PRR14: variants seen among roughly 807,000 people sequenced by gnomAD.
The protein encoded by PRR14 is proline-rich protein 14.
PRR14 carries 33 observed loss-of-function variants against 57.2 expected under a neutral mutation model. That is an observed-to-expected ratio of 0.58 (90% confidence interval 0.44 to 0.77). PRR14 has a LOEUF of 0.77. Ranked by LOEUF, PRR14 falls within the 30% of genes least tolerant of loss-of-function variation. PRR14 has a pLI of 0.00. For synonymous variants in PRR14, 303 were observed against 314.7 expected (o/e 0.96, Z 0.39); for missense variants, 716 against 788.1 (o/e 0.91, Z 1.10).
intron 3 of PRR14, chr16:30,652,413 T>A (rs1338454919): frequency 1.9e-5 from 11 of 573,038 alleles, no homozygotes; most frequent in Non-Finnish European, 3.5e-5. Flanking sequence ...CAGGCTGAGG[T>A]CTTTGACTCC....
chr16:30,651,182 GTCGATGTA>G lies in PRR14; in HGVS notation c.-51+57_-51+64del. 1 of 400,976 alleles carries G rather than the reference GTCGATGTA, an allele frequency of 2.5e-6. No individual in the cohort carries two copies. Among genetic ancestry groups the G allele is most frequent in the East Asian group, 7.3e-5 (1 of 13,638 alleles). 24.8% of individuals were successfully genotyped at this position (400,976 alleles called of 1,614,324 possible). A position where few individuals can be genotyped will look rare whatever the true frequency, so the allele number is the denominator to read the frequency against. On this transcript the variant is annotated intron_variant, in intron 1 of 11. Coordinates refer to ENST00000300835, the MANE Select transcript of PRR14 (RefSeq NM_024031.5). The surrounding 1 kb of genome is among the most constrained non-coding windows in gnomAD (Gnocchi z 5.0). ...AGGGGATCTGGTGGGATGGAGGGTC[GTCGATGTA>G]TGGAGTATTGCTTTGGAGTCCTCGG...
chr16:30,651,510 G>A lies in PRR14; in HGVS notation c.-50-86G>A, dbSNP rs1425414375. The stretch of plus-strand genomic sequence containing the variant: ...CAGGGCTGCGGCCGCTGGGCTACGG[G>A]GAGCCGCGGGCGGACCATGAAGGGC... On this transcript the variant is annotated intron_variant, in intron 1 of 11. Coordinates refer to ENST00000300835, the MANE Select transcript of PRR14 (RefSeq NM_024031.5). This position sits in a 1 kb window ranked among gnomAD's most constrained non-coding sequence, Gnocchi z 5.0. 9 of 616,460 alleles carry A rather than the reference G, an allele frequency of 1.5e-5. No homozygotes were observed. Among genetic ancestry groups the A allele is most frequent in the Non-Finnish European group, 2.4e-5 (9 of 380,474 alleles). 38.2% of individuals were successfully genotyped at this position (616,460 alleles called of 1,614,324 possible).
In PRR14 at chr16:30,654,301, C is replaced by G; in HGVS notation, c.620C>G (p.Ser207Cys). ...GACCTAGAACCCCCATTCCAGCCAT[C>G]TGCTCTGCCTGCAGACCCTCTGGAG... ...PGDLEPPFQP[S>C]ALPADPLESP... Residue 207 changes from serine (S) to cysteine (C), a missense_variant, in exon 7 of 12, where the codon TCT becomes TGT. Physicochemically the swap from Ser to Cys is moderately radical, Grantham distance 112 (BLOSUM62 -1). Coordinates refer to ENST00000300835, the MANE Select transcript of PRR14 (RefSeq NM_024031.5). 3 of 1,614,086 alleles carry G rather than the reference C, an allele frequency of 1.9e-6. No individual in the cohort carries two copies. Among genetic ancestry groups the G allele is most frequent in the Non-Finnish European group, 2.5e-6 (3 of 1,179,978 alleles).
intron 3 of PRR14, chr16:30,652,226 TTCTA>T (rs1288565363): frequency 1.6e-5 from 10 of 640,832 alleles, no homozygotes; most frequent in East Asian, 1.2e-4. Context: ...GCTTCTTTTT[TTCTA>T]TCTTTTTTTT....
intron 4 of PRR14, 34 bp downstream of exon 4, chr16:30,652,876 C>A: frequency 6.2e-7 from 1 of 1,613,902 alleles, no homozygotes; most frequent in Non-Finnish European, 8.5e-7. Flanking sequence ...AGCCGAGGGC[C>A]CAGCTGAGCC....
rs1189047748 is a variant in PRR14 at position 30,654,628 on chromosome 16, GC to G, written c.662del (p.Pro221GlnfsTer60). The G allele has an allele frequency of 6.3e-7, 1 of 1,596,078 alleles. No homozygotes were observed. ...CACCTGTGACCCTCTCCTTTCCTCA[GC>G]CCCAGATCCTGCTCTGGAGCTCCCA... Reference protein sequence around the residue: ...PADPLESPPTAPDPALELPST... With the variant: ...PADPLESPPTXPDPALELPST... On this transcript the variant is annotated frameshift_variant and splice_region_variant, in exon 8 of 12. Transcript: ENST00000300835. LOFTEE classifies it high-confidence loss of function.
Position 30,654,875 on chromosome 16 carries a change from C to T in PRR14, c.905C>T (p.Ser302Phe). 6.2e-7 allele frequency: 1 copy of T among 1,605,884 alleles called. No homozygotes were observed. Among genetic ancestry groups the T allele is most frequent in the Non-Finnish European group, 8.5e-7 (1 of 1,175,798 alleles). Residue 302 changes from serine to phenylalanine, a missense_variant, in exon 8 of 12, where the codon TCT (serine) becomes TTT (phenylalanine). Transcript: ENST00000300835. ...TCTGGGGCTGCTGAGGGCACTGCGT[C>T]TGTCAGCCCCCGGCCCCCAATCCGC... is the stretch of plus-strand genomic sequence containing the variant. ...EQSGAAEGTA[S>F]VSPRPPIRQW...
In PRR14 at chr16:30,656,367, A is replaced by AT. The variant is rs552685019; in HGVS notation, c.*65dup. The stretch of plus-strand genomic sequence containing the variant: ...GGGACAGGAAACCTCCCAGGCAGTT[A>AT]TTTTTTTTTCTCTATATTTCTAGTA... On this transcript the variant is annotated 3_prime_UTR_variant, in exon 12 of 12. Coordinates refer to ENST00000300835, the MANE Select transcript of PRR14 (RefSeq NM_024031.5). 1.4e-3 allele frequency: 2,120 copies of AT among 1,465,126 alleles called. No individual in the cohort carries two copies. The highest frequency in any genetic ancestry group is 2.0e-3 in the Admixed American group (85 of 42,484). The allele number at this position is 1,465,126 out of a possible 1,614,324, so 90.8% of individuals were successfully genotyped here.
In PRR14 at chr16:30,655,056, C is replaced by T; in HGVS notation, c.1086C>T (p.His362=). The T allele has an allele frequency of 6.2e-7, 1 of 1,611,540 alleles. No homozygotes were observed. Reference sequence around the variant, plus strand: ...CAAGCCGACCACGGCCGCGGCGGCACACTGTGGGTGGTGGGGAAATGGCCC... The same window carrying T: ...CAAGCCGACCACGGCCGCGGCGGCATACTGTGGGTGGTGGGGAAATGGCCC... ...PQPSRPRPRR[H]TVGGGEMARA... Residue 362 remains histidine, a synonymous_variant, in exon 8 of 12, where the codon CAC becomes CAT. Transcript: ENST00000300835. This position sits in a 1 kb window ranked among gnomAD's most constrained non-coding sequence, Gnocchi z 4.6.
chr16:30,652,578 T>C (rs912284716), intron 3 of PRR14, 143 bp from the exon 4 acceptor site: 4 of 1,033,314 alleles, frequency 3.9e-6, no homozygotes, highest in Non-Finnish European at 4.4e-6. Context: ...TCAGTCCAAT[T>C]CATCTCTTCT....
In PRR14 at chr16:30,651,683, G is replaced by A. The variant is rs1403789733; in HGVS notation, c.23+15G>A. 6 of 1,603,342 alleles carry A rather than the reference G, an allele frequency of 3.7e-6. No homozygotes were observed. The highest frequency in any genetic ancestry group is 2.3e-5 in the East Asian group (1 of 44,318). On this transcript the variant is annotated intron_variant, in intron 2 of 11. Transcript: ENST00000300835. The surrounding 1 kb of genome is among the most constrained non-coding windows in gnomAD (Gnocchi z 5.0). ...GGGGACTCCAGGTGAGAGCGTACCC[G>A]GGCGGCCCGCCTGTCTTGACCCCGG...
Position 30,651,068 on chromosome 16 carries a change from C to T in PRR14, c.-110C>T. 1 of 455,630 alleles carries T rather than the reference C, an allele frequency of 2.2e-6. No homozygotes were observed. The highest frequency in any genetic ancestry group is 4.4e-6 in the Non-Finnish European group (1 of 226,376). 28.2% of individuals were successfully genotyped at this position (455,630 alleles called of 1,614,324 possible). Reference sequence around the variant, plus strand: ...CCCCTGTCTGAGCGGAGCTTTGCGGCGCTGAAGCTTACAGGGGAAGGAAAA... The same window carrying T: ...CCCCTGTCTGAGCGGAGCTTTGCGGTGCTGAAGCTTACAGGGGAAGGAAAA... On this transcript the variant is annotated 5_prime_UTR_variant, in exon 1 of 12. Transcript: ENST00000300835. This position sits in a 1 kb window ranked among gnomAD's most constrained non-coding sequence, Gnocchi z 5.0.
At position 30,656,393 on chromosome 16, in the gene PRR14, A is replaced by G; in HGVS notation, c.*82A>G. Reference sequence around the variant, plus strand: ...TTTTTTTTTCTCTATATTTCTAGTAAAGTTTTCGATATGTTTCTGATTCTT... The same window carrying G: ...TTTTTTTTTCTCTATATTTCTAGTAGAGTTTTCGATATGTTTCTGATTCTT... On this transcript the variant is annotated 3_prime_UTR_variant, in exon 12 of 12. Transcript: ENST00000300835. 7.6e-7 allele frequency: 1 copy of G among 1,322,706 alleles called. No individual in the cohort carries two copies. The highest frequency in any genetic ancestry group is 1.0e-6 in the Non-Finnish European group (1 of 980,344). The allele number at this position is 1,322,706 out of a possible 1,614,324, so 81.9% of individuals were successfully genotyped here.
intron 3 of PRR14, chr16:30,652,229 T>C: frequency 1.6e-6 from 1 of 622,726 alleles, no homozygotes; most frequent in Non-Finnish European, 2.9e-6. Flanking sequence ...TCTTTTTTTC[T>C]ATCTTTTTTT....
Position 30,655,172 on chromosome 16 carries a change from C to A in PRR14, c.1202C>A (p.Ser401Ter). Reference sequence around the variant, plus strand: ...TCCCCTTCTCTCACCACATCTTGCTCGTCCACGGCATCCACTTCCTTCTCC... The same window carrying A: ...TCCCCTTCTCTCACCACATCTTGCTAGTCCACGGCATCCACTTCCTTCTCC... ...GASPSLTTSC[S>*]STASTSFSEP... is the part of the protein sequence containing the mutation. The change falls in exon 8 of 12, where the codon TCG becomes TAG. Residue 401 changes from serine to a stop codon, truncating the protein, a stop_gained. Transcript: ENST00000300835. LOFTEE classifies it high-confidence loss of function. The surrounding 1 kb of genome is among the most constrained non-coding windows in gnomAD (Gnocchi z 4.6). 6.2e-7 allele frequency: 1 copy of A among 1,600,890 alleles called. No homozygotes were observed.
rs773382408 is a variant in PRR14, at chr16:30,654,934, C to G, written c.964C>G (p.Leu322Val). Residue 322 changes from leucine (L) to valine (V), a missense_variant, in exon 8 of 12, where the codon CTT (leucine) becomes GTT (valine). By Grantham distance (32) the Leu-to-Val change is conservative (BLOSUM62 1). Transcript: ENST00000300835. ...WRTQDHNTPA[L>V]LPKPSLGRSY... ...AACTCAGGACCACAATACCCCAGCA[C>G]TTCTCCCTAAGCCCTCTCTGGGCCG... The G allele has an allele frequency of 7.4e-6, 12 of 1,612,826 alleles. No individual in the cohort carries two copies. Among genetic ancestry groups the G allele is most frequent in the Non-Finnish European group, 1.0e-5 (12 of 1,180,044 alleles).
Position 30,651,500 on chromosome 16 carries a change from T to C in PRR14, c.-50-96T>C, listed in dbSNP as rs2052311121. ...TTTCGCGCCCCAGGGCTGCGGCCGC[T>C]GGGCTACGGGGAGCCGCGGGCGGAC... On this transcript the variant is annotated intron_variant, in intron 1 of 11. Transcript: ENST00000300835. The surrounding 1 kb of genome is among the most constrained non-coding windows in gnomAD (Gnocchi z 5.0). The C allele has an allele frequency of 8.9e-6, 5 of 560,484 alleles. No homozygotes were observed. The highest frequency in any genetic ancestry group is 1.5e-5 in the Non-Finnish European group (5 of 338,156). 34.7% of individuals were successfully genotyped at this position (560,484 alleles called of 1,614,324 possible). A position where few individuals can be genotyped will look rare whatever the true frequency, so the allele number is the denominator to read the frequency against.
At chr16:30,653,466 A>G in intron 6 of PRR14, 58 bp downstream of exon 6, 8 of 1,538,978 alleles carry the variant, frequency 5.2e-6, no homozygotes, top group Non-Finnish European at 7.2e-6. Flanking sequence ...TCATCCAGGT[A>G]GCCAGAGCTA....
intron 6 of PRR14, 136 bp downstream of exon 6, chr16:30,653,544 C>G (rs544439790): frequency 3.0e-5 from 27 of 897,500 alleles, no homozygotes; most frequent in Admixed American, 1.5e-4. Context: ...GGGCCGGGCA[C>G]GCCCATGCCT....
Sources: gnomAD v4.1 joint callset for allele counts on GRCh38, gnomAD v4.1.1 for gene constraint, Gnocchi (gnomAD v3.1) non-coding constraint, MANE v1.5 for transcripts, NCBI Gene and HGNC (gene_info 2026-07-23, HGNC 2026-07-21) for gene names.